Variants in FAM149B1 observed in about 807,000 individuals in gnomAD.
The protein encoded by FAM149B1 is primary cilium assembly protein FAM149B1.
A neutral mutation model predicts 75.3 loss-of-function variants in FAM149B1; 56 were observed. That is an observed-to-expected ratio of 0.74 (90% CI 0.60 to 0.93). The LOEUF (loss-of-function observed/expected upper bound fraction) is 0.93, where lower values mean the gene tolerates loss of function less well. Among genes scored for constraint, FAM149B1 ranks in the 40% least tolerant of loss-of-function variants. The pLI, the probability that FAM149B1 is intolerant of heterozygous loss-of-function variation, is 0.00. For synonymous variants in FAM149B1, 259 were observed against 256.1 expected (o/e 1.01, Z -0.11); for missense variants, 639 against 708.4 (o/e 0.90, Z 1.11).
chr10:73,235,953 C>G (rs7912383), intron 12 of FAM149B1, among the ~76,000 whole-genome samples: 1 of 152,056 alleles, frequency 6.6e-6, no homozygotes, highest in Admixed American at 6.5e-5. Flanking sequence ...TGCACTGACC[C>G]TCCCCATTTG....
intron 3 of FAM149B1, among the ~76,000 whole-genome samples, chr10:73,179,889 T>A (rs2042356072): frequency 6.6e-6 from 1 of 152,194 alleles, no homozygotes; most frequent in Non-Finnish European, 1.5e-5. Flanking sequence ...TTATATAATA[T>A]TTTCCTGTCT....
intron 1 of FAM149B1, among the ~76,000 whole-genome samples, chr10:73,171,730 G>A (rs1319541856): frequency 7.3e-5 from 11 of 150,858 alleles, no homozygotes; most frequent in East Asian, 2.0e-4. Flanking sequence ...CCAGGTTCAC[G>A]CCATTCTTCT....
At chr10:73,192,824 T>G in intron 4 of FAM149B1, 126 bp downstream of exon 4, 1 of 912,768 alleles carries the variant, frequency 1.1e-6, no homozygotes, top group East Asian at 2.9e-5. Context: ...AATAAGGCCA[T>G]GTGGTATAAA....
chr10:73,208,394 A>C (rs2043114782), intron 5 of FAM149B1, among the ~76,000 whole-genome samples: 1 of 152,246 alleles, frequency 6.6e-6, no homozygotes, highest in Non-Finnish European at 1.5e-5. Flanking sequence ...ATCTGAAAAG[A>C]CAGCAAGCAG....
rs1470989810 is a variant in FAM149B1 at position 73,208,780 on chromosome 10, T to C, written c.704T>C (p.Ile235Thr). 2 of 1,500,362 alleles carry C rather than the reference T, an allele frequency of 1.3e-6. No homozygotes were observed. The highest frequency in any genetic ancestry group is 4.3e-5 in the Admixed American group (2 of 46,022). 92.9% of individuals were successfully genotyped at this position (1,500,362 alleles called of 1,614,324 possible). ...GAGGAATACCTAGCATTCGATCACATAGATATGTGAGTATTATGCCTTTTA... is the reference window on the plus strand; with the variant it reads ...GAGGAATACCTAGCATTCGATCACACAGATATGTGAGTATTATGCCTTTTA... ...IIEEYLAFDHIDIEEGFHGKK... is the reference protein window; with the variant it reads ...IIEEYLAFDHTDIEEGFHGKK... Residue 235 changes from isoleucine (I) to threonine (T), a missense_variant, in exon 6 of 14, where the codon ATA (isoleucine) becomes ACA (threonine). Coordinates refer to ENST00000242505, the MANE Select transcript of FAM149B1 (RefSeq NM_173348.2).
chr10:73,232,716 A>C (rs2043733920), intron 9 of FAM149B1, among the ~76,000 whole-genome samples: 1 of 152,202 alleles, frequency 6.6e-6, no homozygotes, highest in Admixed American at 6.5e-5. Flanking sequence ...CCATTCTAGT[A>C]AATTATGTTT....
chr10:73,244,504 G>GAAAAAAAAAA (rs796100576), downstream of FAM149B1: 5 of 69,790 alleles, frequency 7.2e-5, no homozygotes, highest in Non-Finnish European at 9.6e-5. Flanking sequence ...AGAAAAAAGA[G>GAAAAAAAAAA]AAAAAAAAAA....
intron 2 of FAM149B1, among the ~76,000 whole-genome samples, chr10:73,175,395 C>T (rs1484539158): frequency 4.6e-5 from 7 of 151,648 alleles, no homozygotes; most frequent in South Asian, 2.1e-4. Flanking sequence ...TAGGGCCGGG[C>T]GCGGTGGCTC....
chr10:73,168,491 AT>A, intron 1 of FAM149B1, 105 bp downstream of exon 1: 2 of 1,366,020 alleles, frequency 1.5e-6, no homozygotes, highest in Non-Finnish European at 2.0e-6. Context: ...CTGGGGAGAG[AT>A]TTTTCTTCGG....
chr10:73,239,811 TAAGAA>T (rs1463322327), intron 13 of FAM149B1, among the ~76,000 whole-genome samples: 3 of 152,228 alleles, frequency 2.0e-5, no homozygotes, highest in Non-Finnish European at 2.9e-5. Flanking sequence ...TAGGCCAAGG[TAAGAA>T]AAGAAATTCT....
At chr10:73,203,461 G>A (rs544051116) in intron 5 of FAM149B1, among the ~76,000 whole-genome samples, 1 of 152,220 alleles carries the variant, frequency 6.6e-6, no homozygotes, top group South Asian at 2.1e-4. Flanking sequence ...TATACATTTT[G>A]TAATCTCTTT....
intron 3 of FAM149B1, among the ~76,000 whole-genome samples, chr10:73,187,459 G>T (rs940692090): frequency 6.6e-6 from 1 of 151,902 alleles, no homozygotes; most frequent in African/African-American, 2.4e-5. Context: ...GCCAGGCGAG[G>T]TGGCTCACGC....
chr10:73,189,423 G>A (rs1282370540), intron 3 of FAM149B1, among the ~76,000 whole-genome samples: 1 of 152,126 alleles, frequency 6.6e-6, no homozygotes, highest in Non-Finnish European at 1.5e-5. Context: ...TGTAGAAAAA[G>A]ACTTGTACAT....
At chr10:73,197,072 C>T (rs556239169) in intron 5 of FAM149B1, among the ~76,000 whole-genome samples, 9 of 152,234 alleles carry the variant, frequency 5.9e-5, no homozygotes, top group South Asian at 2.1e-4. Context: ...GGTGCAATCA[C>T]GGGGGACTGC....
rs544644058 is a variant in FAM149B1 at position 73,191,563 on chromosome 10, C to T, written c.283-993C>T. Among the ~76,000 whole-genome samples the T allele has an allele frequency of 1.8e-4, 28 of 152,184 alleles. No homozygotes were observed. The South Asian group carries it at 4.8e-3, about 26-fold the overall frequency. On this transcript the variant is annotated intron_variant, in intron 3 of 13. Transcript: ENST00000242505. ...ATGTAGGCCAGGCTGGTCTGGAACT[C>T]CTGACCTCAGGTGATCCACCCCACC... is the stretch of plus-strand genomic sequence containing the variant.
At chr10:73,224,496 C>T (rs1287702938) in intron 7 of FAM149B1, among the ~76,000 whole-genome samples, 1 of 132,308 alleles carries the variant, frequency 7.6e-6, no homozygotes, top group Non-Finnish European at 1.6e-5. Context: ...TTTTTTGAGA[C>T]AGTCTCGCTC....
rs527334304 is a variant in FAM149B1 at position 73,232,523 on chromosome 10, T to C, written c.1128-416T>C. On this transcript the variant is annotated intron_variant, in intron 9 of 13. Transcript: ENST00000242505. ...GCTCCCAAGCAGCAATATTTGTCTT[T>C]CAGTTGTCTTTCTGGTGACAATCTT... Among the ~76,000 whole-genome samples, 125 of 152,338 alleles carry C rather than the reference T, an allele frequency of 8.2e-4. 1 individual carries two copies. In the South Asian group the frequency reaches 0.014, roughly 17 times the overall value.
chr10:73,219,261 C>G (rs2043357748), intron 7 of FAM149B1, among the ~76,000 whole-genome samples: 1 of 152,026 alleles, frequency 6.6e-6, no homozygotes, highest in African/African-American at 2.4e-5. Flanking sequence ...TAGAGGAGAC[C>G]TAATGAAATG....
rs571685858 is a variant in FAM149B1 at position 73,189,231 on chromosome 10, A to C, written c.283-3325A>C. On this transcript the variant is annotated intron_variant, in intron 3 of 13. Transcript: ENST00000242505. ...TTTACAAAAATTGCTAAAATTAAAA[A>C]GACTGACAATACCTAGTACTGGAAT... is the stretch of plus-strand genomic sequence containing the variant. 3.9e-5 allele frequency among the ~76,000 whole-genome samples: 6 copies of C among 152,328 alleles called. No individual in the cohort carries two copies. In the East Asian group the frequency reaches 1.2e-3, roughly 29 times the overall value.
Sources: gnomAD v4.1 joint callset for allele counts (sites outside exome capture counted in the v4.1 genomes callset) on GRCh38, gnomAD v4.1.1 for gene constraint, MANE v1.5 for transcripts, NCBI Gene and HGNC (gene_info 2026-07-23, HGNC 2026-07-21) for gene names.